DDX4: variants seen among roughly 807,000 people sequenced by gnomAD.
DDX4 encodes DEAD-box helicase 4.
DDX4 carries 25 observed loss-of-function variants against 100.0 expected under a neutral mutation model. The observed-to-expected ratio is 0.25, with a 90% CI of 0.18 to 0.35. DDX4 has a LOEUF of 0.35. Among genes scored for constraint, DDX4 ranks in the 10% least tolerant of loss-of-function variants. DDX4 has a pLI of 1.00. For missense variants in DDX4, 635 were observed against 882.4 expected (o/e 0.72, Z 3.55); for synonymous variants, 259 against 275.7 (o/e 0.94, Z 0.60).
intron 6 of DDX4, among the ~76,000 whole-genome samples, chr5:55,765,173 A>G (rs867459633): frequency 6.6e-6 from 1 of 151,740 alleles, no homozygotes; most frequent in East Asian, 1.9e-4. Context: ...TTCCATTTCT[A>G]TGTGTTTCTG....
intron 16 of DDX4, among the ~76,000 whole-genome samples, chr5:55,791,828 T>C (rs1041184815): frequency 6.6e-6 from 1 of 152,070 alleles, no homozygotes; most frequent in Non-Finnish European, 1.5e-5. Context: ...ACAATGCAGA[T>C]AGGCTGGGTG....
chr5:55,753,865 T>C (rs1440107611), intron 3 of DDX4, among the ~76,000 whole-genome samples: 10 of 125,658 alleles, frequency 8.0e-5, no homozygotes, highest in African/African-American at 3.0e-4. Flanking sequence ...TGGTTTGTAG[T>C]TCTCCTTGAA....
intron 2 of DDX4, 93 bp downstream of exon 2, chr5:55,739,125 T>C (rs1758847522): frequency 1.3e-6 from 1 of 757,916 alleles, no homozygotes; most frequent in African/African-American, 1.7e-5. Context: ...ACAGTCTGTG[T>C]CAGTGTTTAT....
At chr5:55,765,413 A>AAAAAAT (rs1392558099) in intron 6 of DDX4, among the ~76,000 whole-genome samples, 89 of 83,004 alleles carry the variant, frequency 1.1e-3, no homozygotes, top group Admixed American at 1.7e-3. Flanking sequence ...AAAAAAAAAA[A>AAAAAAT]ATATATATAT....
At chr5:55,799,084 T>C (rs1416518926) in intron 18 of DDX4, among the ~76,000 whole-genome samples, 1 of 152,196 alleles carries the variant, frequency 6.6e-6, no homozygotes, top group Non-Finnish European at 1.5e-5. Context: ...TTATTATCTT[T>C]TTAGAGATAA....
At chr5:55,790,246 G>A (rs574570743) in intron 15 of DDX4, among the ~76,000 whole-genome samples, 26 of 148,512 alleles carry the variant, frequency 1.8e-4, no homozygotes, top group African/African-American at 6.2e-4. Flanking sequence ...CTGGGTTCAA[G>A]CGATTCTCCT....
intron 18 of DDX4, among the ~76,000 whole-genome samples, chr5:55,800,601 G>A (rs988728857): frequency 3.9e-5 from 6 of 152,174 alleles, no homozygotes; most frequent in African/African-American, 7.2e-5. Context: ...TGGGATTACA[G>A]GCATGAGCCA....
chr5:55,785,335 T>C lies in DDX4; in HGVS notation c.664T>C (p.Ser222Pro), dbSNP rs772582408. ...KGLNEEVITGSGKNSWKSEAE... is the reference protein window; with the variant it reads ...KGLNEEVITGPGKNSWKSEAE... ...TTTAAATGAAGAAGTAATAACAGGC[T>C]CTGGAAAGAGTAAGTTTTCCTTAAA... The change falls in exon 11 of 22, where the codon TCT (serine) becomes CCT (proline). Residue 222 changes from serine (S) to proline (P), a missense_variant. Coordinates refer to ENST00000505374, the MANE Select transcript of DDX4 (RefSeq NM_024415.3). The C allele has an allele frequency of 3.7e-6, 6 of 1,605,598 alleles. No homozygotes were observed. Among genetic ancestry groups the C allele is most frequent in the South Asian group, 3.3e-5 (3 of 90,452 alleles).
chr5:55,797,349 T>C (rs1331660337), intron 17 of DDX4, among the ~76,000 whole-genome samples: 1 of 152,230 alleles, frequency 6.6e-6, no homozygotes, highest in Non-Finnish European at 1.5e-5. Context: ...ACCATCATGT[T>C]CATCTTTGTA....
chr5:55,814,806 A>G, intron 19 of DDX4, 95 bp from the exon 20 acceptor site: 1 of 1,382,526 alleles, frequency 7.2e-7, no homozygotes, highest in Non-Finnish European at 9.8e-7. Context: ...TGCTATTCAT[A>G]CTATTATTAA....
chr5:55,776,012 T>C (rs1342311003), intron 7 of DDX4, among the ~76,000 whole-genome samples: 2 of 152,026 alleles, frequency 1.3e-5, no homozygotes, highest in Non-Finnish European at 2.9e-5. Context: ...TCCCAGCTAC[T>C]TGGAGTCTGA....
At chr5:55,804,396 C>T (rs1166938857) in intron 18 of DDX4, among the ~76,000 whole-genome samples, 121 of 152,116 alleles carry the variant, frequency 8.0e-4, no homozygotes, top group African/African-American at 2.8e-3. Context: ...AAGTCCTTGC[C>T]CATGCCTATG....
At chr5:55,772,222 A>AT (rs1181651476) in intron 7 of DDX4, among the ~76,000 whole-genome samples, 1 of 152,248 alleles carries the variant, frequency 6.6e-6, no homozygotes, top group Non-Finnish European at 1.5e-5. Context: ...AACAAAAAAA[A>AT]GTAATTGTCA....
intron 18 of DDX4, among the ~76,000 whole-genome samples, chr5:55,808,487 G>A (rs543159292): frequency 1.5e-3 from 227 of 152,268 alleles, no homozygotes; most frequent in African/African-American, 5.3e-3. Context: ...ACGTACAGAT[G>A]GGGTTTTGGT....
intron 6 of DDX4, chr5:55,766,756 T>G (rs1561490667): frequency 3.3e-6 from 1 of 307,134 alleles, no homozygotes; most frequent in Non-Finnish European, 4.8e-6. Flanking sequence ...TTATTTTGAC[T>G]TAATGTTCCC....
At chr5:55,745,029 C>T (rs962352146) in intron 2 of DDX4, among the ~76,000 whole-genome samples, 3 of 151,970 alleles carry the variant, frequency 2.0e-5, no homozygotes, top group African/African-American at 7.3e-5. Context: ...TACAGGCGCC[C>T]ATCACCATGC....
At chr5:55,786,936 C>A (rs573378363) in intron 14 of DDX4, among the ~76,000 whole-genome samples, 2 of 152,304 alleles carry the variant, frequency 1.3e-5, no homozygotes, top group African/African-American at 2.4e-5. Context: ...GTATCTTAAA[C>A]AAAGTGACTG....
intron 10 of DDX4, among the ~76,000 whole-genome samples, chr5:55,782,824 C>T (rs1282012275): frequency 3.5e-5 from 5 of 142,424 alleles, no homozygotes; most frequent in Non-Finnish European, 7.6e-5. Flanking sequence ...GAGACAGAGT[C>T]TCACTCTGTC....
intron 2 of DDX4, among the ~76,000 whole-genome samples, chr5:55,741,465 A>G (rs559138017): frequency 6.6e-6 from 1 of 152,290 alleles, no homozygotes; most frequent in Admixed American, 6.5e-5. Context: ...TGCAATCAGG[A>G]TCTTTATTTG....
Sources: allele counts gnomAD v4.1 joint callset (sites outside exome capture counted in the v4.1 genomes callset), GRCh38; gene constraint gnomAD v4.1.1; transcripts MANE v1.5; gene names NCBI Gene and HGNC (gene_info 2026-07-23, HGNC 2026-07-21).